Variants in SEC24B observed in about 807,000 individuals in gnomAD.
SEC24B encodes SEC24 homolog B, COPII component, also known as protein transport protein Sec24B.
Under a neutral mutation model 142.8 loss-of-function variants are expected in SEC24B, and 45 were observed. The observed-to-expected ratio is 0.32, with a 90% CI of 0.25 to 0.40. SEC24B has a LOEUF of 0.40. Ranked by LOEUF, SEC24B falls within the 10% of genes least tolerant of loss-of-function variation. The probability of loss-of-function intolerance (pLI) is 1.00; values close to 1 mark genes in which losing one functional copy is unlikely to be tolerated. For synonymous variants in SEC24B, 574 were observed against 568.2 expected, an observed-to-expected ratio of 1.01 and a Z score of -0.15; for missense variants, 1,409 against 1,526.8, an observed-to-expected ratio of 0.92 and a Z score of 1.29.
chr4:109,524,287 A>C (rs574837361), intron 14 of SEC24B, among the ~76,000 whole-genome samples: 52 of 152,148 alleles, frequency 3.4e-4, no homozygotes, highest in Non-Finnish European at 6.8e-4. Flanking sequence ...AGTGTAATTA[A>C]GAGGATTGAA....
chr4:109,539,562 G>T lies in SEC24B; in HGVS notation c.3694G>T (p.Asp1232Tyr). ...CAAATGCCCTTTTCTTTCTTCCAGA[G>T]ATGAGAGTCCTGCCAAAGCAGAATT... ...PLSPILHIVK[D>Y]ESPAKAEFFQ... The change falls in exon 24 of 24, where the codon GAT becomes TAT. Residue 1232 changes from aspartate (D) to tyrosine (Y), a missense_variant and splice_region_variant. By Grantham distance (160) the Asp-to-Tyr change is radical (BLOSUM62 -3). Transcript: ENST00000265175. 1 of 1,602,290 alleles carries T rather than the reference G, an allele frequency of 6.2e-7. No individual in the cohort carries two copies. Among genetic ancestry groups the T allele is most frequent in the Non-Finnish European group, 8.6e-7 (1 of 1,169,432 alleles).
rs192161222 is a variant in SEC24B at position 109,509,654 on chromosome 4, G to A, written c.1674-355G>A. ...ATCGGGCTGCTGCACTCCAGCCTGG[G>A]CGACAGAGCAAGACTCCATCTCAGA... On this transcript the variant is annotated intron_variant, in intron 7 of 23. Coordinates refer to ENST00000265175, the MANE Select transcript of SEC24B (RefSeq NM_006323.5). Among the ~76,000 whole-genome samples the A allele has an allele frequency of 8.1e-3, 1,206 of 148,296 alleles. 11 individuals carry two copies. Among genetic ancestry groups the A allele is most frequent in the Non-Finnish European group, 0.014 (931 of 67,438 alleles).
In SEC24B at chr4:109,538,520, T is replaced by A; in HGVS notation, c.3616T>A (p.Ser1206Thr). The A allele has an allele frequency of 6.2e-7, 1 of 1,613,202 alleles. No homozygotes were observed. Residue 1206 changes from serine to threonine, a missense_variant, in exon 23 of 24, where the codon TCA (serine) becomes ACA (threonine). Ser to Thr is a moderately conservative substitution (Grantham distance 58). Transcript: ENST00000265175. Reference sequence around the variant, plus strand: ...ACATCTTCCAGAGCTAGATACACTTTCATCAGAAAGAGCCAGATCCTTCAT... The same window carrying A: ...ACATCTTCCAGAGCTAGATACACTTACATCAGAAAGAGCCAGATCCTTCAT... Reference protein sequence around the residue: ...MTHLPELDTLSSERARSFITW... With the variant: ...MTHLPELDTLTSERARSFITW...
chr4:109,491,024 A>G (rs901913814), intron 4 of SEC24B, among the ~76,000 whole-genome samples: 2 of 151,822 alleles, frequency 1.3e-5, no homozygotes, highest in East Asian at 3.8e-4. Context: ...TATCAACCTA[A>G]AGTTTTTGTT....
intron 6 of SEC24B, among the ~76,000 whole-genome samples, chr4:109,505,634 T>C (rs181872687): frequency 6.6e-6 from 1 of 152,308 alleles, no homozygotes; most frequent in East Asian, 1.9e-4. Flanking sequence ...TAAGCACCTT[T>C]ATCATCCAGA....
intron 1 of SEC24B, among the ~76,000 whole-genome samples, chr4:109,438,624 A>C (rs1251653673): frequency 6.6e-6 from 1 of 152,236 alleles, no homozygotes; most frequent in East Asian, 1.9e-4. Context: ...AGACTCTAAG[A>C]AAATTCTTTT....
chr4:109,522,349 CG>C (rs1214329521), intron 14 of SEC24B, among the ~76,000 whole-genome samples: 1 of 152,124 alleles, frequency 6.6e-6, no homozygotes, highest in African/African-American at 2.4e-5. Flanking sequence ...CCGTGCCCGG[CG>C]AGAGTTTTTA....
chr4:109,510,571 G>A (rs923582059), intron 8 of SEC24B, among the ~76,000 whole-genome samples: 1 of 151,984 alleles, frequency 6.6e-6, no homozygotes. Context: ...ATACACTTTC[G>A]GAGTTCTTTA....
Position 109,433,856 on chromosome 4 carries a change from C to A in SEC24B, c.-14C>A, listed in dbSNP as rs2125881779. 1 of 1,315,000 alleles carries A rather than the reference C, an allele frequency of 7.6e-7. No homozygotes were observed. 81.5% of individuals were successfully genotyped at this position (1,315,000 alleles called of 1,614,324 possible). ...CCTCCCTGAAGCGGAGCCGCCGTCGCCACCAGCGCCGTCATGTCGGCCCCC... is the reference window on the plus strand; with the variant it reads ...CCTCCCTGAAGCGGAGCCGCCGTCGACACCAGCGCCGTCATGTCGGCCCCC... On this transcript the variant is annotated 5_prime_UTR_variant, in exon 1 of 24. Transcript: ENST00000265175.
At chr4:109,525,246 C>T in intron 15 of SEC24B, 100 bp from the exon 16 acceptor site, 2 of 1,030,838 alleles carry the variant, frequency 1.9e-6, no homozygotes, top group Non-Finnish European at 2.7e-6. Context: ...TAGGTTTTCT[C>T]ATGACTTAGA....
At chr4:109,522,185 G>C (rs1335829653) in intron 14 of SEC24B, among the ~76,000 whole-genome samples, 7 of 151,902 alleles carry the variant, frequency 4.6e-5, no homozygotes, top group African/African-American at 1.5e-4. Flanking sequence ...CTAGTAGCTG[G>C]GACTACAGGC....
Position 109,527,325 on chromosome 4 carries a change from A to G in SEC24B, c.2969A>G (p.Glu990Gly). 6.3e-7 allele frequency: 1 copy of G among 1,593,598 alleles called. No homozygotes were observed. The highest frequency in any genetic ancestry group is 1.1e-5 in the South Asian group (1 of 88,112). The change falls in exon 18 of 24, where the codon GAG becomes GGG. Residue 990 changes from glutamate (E) to glycine (G), a missense_variant. By Grantham distance (98) the Glu-to-Gly change is moderately conservative (BLOSUM62 -2). This residue lies in a region of SEC24B where 700 missense variants were observed against 853.3 expected (regional missense o/e 0.82). Coordinates refer to ENST00000265175, the MANE Select transcript of SEC24B (RefSeq NM_006323.5). Reference protein sequence around the residue: ...TALLYTSSKGERRIRVHTLCL... With the variant: ...TALLYTSSKGGRRIRVHTLCL... The stretch of plus-strand genomic sequence containing the variant: ...TTTTCAATGACTTTTTTTTTAGGTG[A>G]GCGGAGAATTAGAGTACATACACTT...
intron 8 of SEC24B, 91 bp from the exon 9 acceptor site, chr4:109,511,866 T>G: frequency 7.8e-7 from 1 of 1,284,386 alleles, no homozygotes; most frequent in Non-Finnish European, 1.1e-6. Flanking sequence ...ACAATTAAGG[T>G]TTATGTTCTG....
rs907733761 is a variant in SEC24B, at chr4:109,445,389, G to A, written c.133+11387G>A. On this transcript the variant is annotated intron_variant, in intron 1 of 23. Coordinates refer to ENST00000265175, the MANE Select transcript of SEC24B (RefSeq NM_006323.5). ...CTCCCAAGCAGCTGGGACAACAGGC[G>A]CCCGCCACCACGCCCAGCTAATTTT... Among the ~76,000 whole-genome samples the A allele has an allele frequency of 1.6e-3, 222 of 142,960 alleles. 1 individual carries two copies. Among genetic ancestry groups the A allele is most frequent in the African/African-American group, 5.4e-3 (208 of 38,410 alleles). 93.8% of individuals were successfully genotyped at this position (142,960 alleles called of 152,430 possible).
At chr4:109,518,366 G>A (rs961279727) in intron 11 of SEC24B, among the ~76,000 whole-genome samples, 2 of 152,160 alleles carry the variant, frequency 1.3e-5, no homozygotes, top group African/African-American at 2.4e-5. Context: ...GTGGCTTCAG[G>A]TTGTTAGTGA....
At chr4:109,451,357 AT>A (rs34643747) in intron 1 of SEC24B, among the ~76,000 whole-genome samples, 3,077 of 138,730 alleles carry the variant, frequency 0.022, 38 homozygotes, top group African/African-American at 0.045. Flanking sequence ...TGCCTTGCTA[AT>A]TTTTTTTTTT....
intron 22 of SEC24B, among the ~76,000 whole-genome samples, chr4:109,535,851 C>CA (rs70954160): frequency 5.3e-5 from 8 of 150,200 alleles, no homozygotes; most frequent in East Asian, 1.9e-4. Context: ...GACTCCGTCT[C>CA]AAAAAAAAAG....
intron 3 of SEC24B, among the ~76,000 whole-genome samples, chr4:109,480,900 A>G (rs1733672056): frequency 6.6e-6 from 1 of 152,188 alleles, no homozygotes; most frequent in African/African-American, 2.4e-5. Flanking sequence ...TTTTAAGGGA[A>G]TTAGTAAACA....
chr4:109,520,314 T>G, intron 11 of SEC24B, 52 bp from the exon 12 acceptor site: 3 of 1,038,696 alleles, frequency 2.9e-6, no homozygotes, highest in Non-Finnish European at 4.4e-6. Context: ...TTTTCTGAAA[T>G]GAAATATGTT....
Sources: allele counts gnomAD v4.1 joint callset (sites outside exome capture counted in the v4.1 genomes callset), GRCh38; gene constraint gnomAD v4.1.1; regional missense constraint gnomAD v4.1.1; transcripts MANE v1.5; gene names NCBI Gene and HGNC (gene_info 2026-07-23, HGNC 2026-07-21).